The following RPS6KA3 variants were observed in gnomAD, a reference collection of about 807,000 sequenced individuals.
The protein encoded by RPS6KA3 is ribosomal protein S6 kinase A3, also known as ribosomal protein S6 kinase alpha-3.
RPS6KA3 carries 4 observed loss-of-function variants against 67.2 expected under a neutral mutation model. That is an observed-to-expected ratio of 0.06 (90% CI 0.03 to 0.14). RPS6KA3 has a LOEUF of 0.14. Among genes scored for constraint, RPS6KA3 ranks in the 10% least tolerant of loss-of-function variants. RPS6KA3 has a pLI of 1.00. For synonymous variants in RPS6KA3, 182 were observed against 183.7 expected (o/e 0.99, Z 0.07); for missense variants, 204 against 559.0 (o/e 0.36, Z 6.40).
At chrX:20,233,614 C>T (rs1360209803) in intron 2 of RPS6KA3, among the ~76,000 whole-genome samples, 2 of 109,331 alleles carry the variant, frequency 1.8e-5, no homozygotes, top group African/African-American at 3.3e-5. Context: ...AGCTGGGTGT[C>T]GTGGCATGTG....
rs1407094278 is a variant in RPS6KA3 at position 20,234,755 on chromosome X, T to C, written c.126+3A>G. On this transcript the variant is annotated splice_donor_region_variant and intron_variant, in intron 2 of 21. Transcript: ENST00000379565. ...ACCCTTTGTGATAAAATATTTTACT[T>C]ACAGTTTGTGGGTTAATCTCCTCCT... 2 of 1,148,581 alleles carry C rather than the reference T, an allele frequency of 1.7e-6. No individual in the cohort carries two copies. The highest frequency in any genetic ancestry group is 6.0e-5 in the East Asian group (2 of 33,474). 94.7% of individuals were successfully genotyped at this position (1,148,581 alleles called of 1,213,427 possible).
At chrX:20,229,343 C>G (rs2069202029) in intron 2 of RPS6KA3, among the ~76,000 whole-genome samples, 1 of 112,283 alleles carries the variant, frequency 8.9e-6, no homozygotes, top group Admixed American at 9.4e-5. Flanking sequence ...GACCTCCATA[C>G]ATAAATTTAT....
intron 10 of RPS6KA3, among the ~76,000 whole-genome samples, chrX:20,182,184 C>T (rs1211421119): frequency 2.7e-5 from 3 of 112,115 alleles, no homozygotes; most frequent in Non-Finnish European, 3.8e-5. Context: ...CAGAACCCCT[C>T]ATCCAGTGTA....
chrX:20,250,110 C>A, intron 1 of RPS6KA3, among the ~76,000 whole-genome samples: 1 of 112,121 alleles, frequency 8.9e-6, no homozygotes, highest in Middle Eastern at 4.6e-3. Context: ...TTCCACTGAT[C>A]TATGTGTGTA....
chrX:20,251,355 C>T (rs758091550), intron 1 of RPS6KA3, among the ~76,000 whole-genome samples: 11 of 112,507 alleles, frequency 9.8e-5, no homozygotes, highest in African/African-American at 1.9e-4. Flanking sequence ...TTGCCCAAGC[C>T]GATCTCGAAC....
rs1158098959 is a variant in RPS6KA3, at chrX:20,152,815, G to A, written c.*2583C>T. 1 of 111,939 alleles carries A rather than the reference G, an allele frequency of 8.9e-6. No homozygotes were observed. The highest frequency in any genetic ancestry group is 3.3e-5 in the African/African-American group (1 of 30,764). 9.2% of individuals were successfully genotyped at this position (111,939 alleles called of 1,213,427 possible). A position where few individuals can be genotyped will look rare whatever the true frequency, so the allele number is the denominator to read the frequency against. The stretch of plus-strand genomic sequence containing the variant: ...TTGGCTGCTTGGCTAGGCAAAGAAG[G>A]CAATTATCTTCGAAAGAAATAAAAG... On this transcript the variant is annotated 3_prime_UTR_variant, in exon 22 of 22. Transcript: ENST00000379565.
intron 7 of RPS6KA3, among the ~76,000 whole-genome samples, chrX:20,191,632 C>T (rs1351293159): frequency 2.0e-5 from 2 of 98,331 alleles, no homozygotes; most frequent in Non-Finnish European, 2.0e-5. Flanking sequence ...GGATGATGAG[C>T]TTTTCTTTCA....
At chrX:20,190,948 G>A (rs1288120169) in intron 7 of RPS6KA3, among the ~76,000 whole-genome samples, 1 of 108,586 alleles carries the variant, frequency 9.2e-6, no homozygotes, top group African/African-American at 3.4e-5. Context: ...GTATACACAT[G>A]CCATGGTGGT....
chrX:20,169,680 G>C (rs952384156), intron 15 of RPS6KA3, 189 bp from the exon 16 acceptor site: 1 of 489,700 alleles, frequency 2.0e-6, no homozygotes, highest in African/African-American at 2.3e-5. Flanking sequence ...AGATGGCAAG[G>C]CTGTAAATTC....
At position 20,246,116 on chromosome X, in the gene RPS6KA3, G is replaced by A. The variant is rs766906529; in HGVS notation, c.70-11302C>T. 7.9e-3 allele frequency among the ~76,000 whole-genome samples: 647 copies of A among 81,523 alleles called. 9 individuals are homozygous for A. Among genetic ancestry groups the A allele is most frequent in the African/African-American group, 0.041 (626 of 15,438 alleles). The allele number at this position is 81,523 out of a possible 115,157, so 70.8% of individuals were successfully genotyped here. ...ATGGGCAATGGCATGACTCCATCTC[G>A]GAAAAGAAAAAAAAAAAAAAAAAAA... is the stretch of plus-strand genomic sequence containing the variant. On this transcript the variant is annotated intron_variant, in intron 1 of 21. Transcript: ENST00000379565.
At chrX:20,222,404 T>C (rs1190091315) in intron 2 of RPS6KA3, among the ~76,000 whole-genome samples, 1 of 112,116 alleles carries the variant, frequency 8.9e-6, no homozygotes, top group Non-Finnish European at 1.9e-5. Flanking sequence ...TTATTACCTA[T>C]CTCAAAAACC....
At chrX:20,230,492 T>A (rs1313799162) in intron 2 of RPS6KA3, among the ~76,000 whole-genome samples, 1 of 111,936 alleles carries the variant, frequency 8.9e-6, no homozygotes, top group Non-Finnish European at 1.9e-5. Flanking sequence ...GGGAAAAGAA[T>A]TCTGGGAGAA....
Position 20,155,367 on chromosome X carries a change from C to G in RPS6KA3, c.*31G>C. 8.3e-7 allele frequency: 1 copy of G among 1,209,111 alleles called. No homozygotes were observed. The highest frequency in any genetic ancestry group is 1.1e-6 in the Non-Finnish European group (1 of 893,605). On this transcript the variant is annotated 3_prime_UTR_variant, in exon 22 of 22. Coordinates refer to ENST00000379565, the MANE Select transcript of RPS6KA3 (RefSeq NM_004586.3). The stretch of plus-strand genomic sequence containing the variant: ...CCAGAACTTGTGCTATCAGCTTACA[C>G]CATGGTACCAAATATCTCACTGAGG...
Position 20,154,680 on chromosome X carries a change from C to T in RPS6KA3, c.*718G>A, listed in dbSNP as rs778778228. 10 of 113,395 alleles carry T rather than the reference C, an allele frequency of 8.8e-5. No individual in the cohort carries two copies. Among genetic ancestry groups the T allele is most frequent in the Admixed American group, 2.8e-4 (3 of 10,698 alleles). The allele number at this position is 113,395 out of a possible 1,213,427, so 9.3% of individuals were successfully genotyped here. The stretch of plus-strand genomic sequence containing the variant: ...TCTCTAGGTTAGTCTGACAGAGCAC[C>T]TGACTTTAAGAAACAAACAAATGAA... On this transcript the variant is annotated 3_prime_UTR_variant, in exon 22 of 22. Transcript: ENST00000379565.
intron 2 of RPS6KA3, among the ~76,000 whole-genome samples, chrX:20,218,159 A>G (rs2068902542): frequency 8.9e-6 from 1 of 112,175 alleles, no homozygotes; most frequent in Admixed American, 9.5e-5. Context: ...CACAATTCTC[A>G]TGGCAAAATA....
chrX:20,199,415 A>G (rs1361978906), intron 4 of RPS6KA3, among the ~76,000 whole-genome samples: 1 of 112,181 alleles, frequency 8.9e-6, no homozygotes. Context: ...ATCAGAGAAC[A>G]AGAAAATCTA....
intron 1 of RPS6KA3, among the ~76,000 whole-genome samples, chrX:20,244,417 ATAAC>A (rs1455775666): frequency 8.9e-6 from 1 of 112,576 alleles, no homozygotes; most frequent in Non-Finnish European, 1.9e-5. Flanking sequence ...ATTCTTCTAA[ATAAC>A]TACTGGGTCA....
chrX:20,226,769 T>C (rs1172443609), intron 2 of RPS6KA3, among the ~76,000 whole-genome samples: 1 of 111,955 alleles, frequency 8.9e-6, no homozygotes, highest in Non-Finnish European at 1.9e-5. Flanking sequence ...TTGTTCCCTC[T>C]GGTATTTGCC....
chrX:20,221,837 C>T (rs2068993773), intron 2 of RPS6KA3, among the ~76,000 whole-genome samples: 1 of 112,684 alleles, frequency 8.9e-6, no homozygotes, highest in African/African-American at 3.2e-5. Flanking sequence ...AGAAGTAGAA[C>T]TGTACATTCA....
Sources: gnomAD v4.1 joint callset for allele counts (sites outside exome capture counted in the v4.1 genomes callset) on GRCh38, gnomAD v4.1.1 for gene constraint, MANE v1.5 for transcripts, NCBI Gene and HGNC (gene_info 2026-07-23, HGNC 2026-07-21) for gene names.